RIMS2: variants seen among roughly 807,000 people sequenced by gnomAD.
RIMS2 encodes the protein regulating synaptic membrane exocytosis 2.
RIMS2 carries 59 observed loss-of-function variants against 174.4 expected under a neutral mutation model. The observed-to-expected ratio is 0.34, with a 90% CI of 0.27 to 0.42. The LOEUF is 0.42. Among genes scored for constraint, RIMS2 ranks in the 10% least tolerant of loss-of-function variants. The probability of loss-of-function intolerance (pLI) is 1.00; values close to 1 mark genes in which losing one functional copy is unlikely to be tolerated. For synonymous variants in RIMS2, 606 were observed against 572.5 expected, an observed-to-expected ratio of 1.06 and a Z score of -0.84; for missense variants, 1,620 against 1,666.3, an observed-to-expected ratio of 0.97 and a Z score of 0.48.
At chr8:104,192,729 T>C (rs996503217) in intron 19 of RIMS2, among the ~76,000 whole-genome samples, 2 of 152,204 alleles carry the variant, frequency 1.3e-5, no homozygotes, top group Non-Finnish European at 2.9e-5. Context: ...TGGTTTTCTT[T>C]CTTTTAGCAT....
intron 17 of RIMS2, among the ~76,000 whole-genome samples, chr8:104,002,377 A>G (rs1596832289): frequency 1.3e-5 from 2 of 152,052 alleles, no homozygotes; most frequent in Non-Finnish European, 2.9e-5. Context: ...TCTTTTACCT[A>G]TTTAACAAAG....
At chr8:104,012,233 A>C (rs967451319) in intron 17 of RIMS2, among the ~76,000 whole-genome samples, 25 of 152,008 alleles carry the variant, frequency 1.6e-4, no homozygotes, top group African/African-American at 5.8e-4. Flanking sequence ...TAAAATAATC[A>C]CAAGATATGG....
chr8:103,674,052 G>A (rs1052799131), intron 1 of RIMS2, among the ~76,000 whole-genome samples: 2 of 152,208 alleles, frequency 1.3e-5, no homozygotes, highest in Admixed American at 1.3e-4. Context: ...CCTAGGACAT[G>A]AGCAGAATGC....
At chr8:104,053,292 T>G (rs1473430372) in intron 19 of RIMS2, among the ~76,000 whole-genome samples, 1 of 152,188 alleles carries the variant, frequency 6.6e-6, no homozygotes, top group Non-Finnish European at 1.5e-5. Context: ...ACTTTATAAC[T>G]CAAGTATACA....
Position 103,669,499 on chromosome 8 carries a change from A to T in RIMS2, c.177-27587A>T, listed in dbSNP as rs372949462. ...TCCACAGTCCAAAATCTCATTTGAG[A>T]CAAGGCAAGTCCCTTCCACCTATGA... is the stretch of plus-strand genomic sequence containing the variant. On this transcript the variant is annotated intron_variant, in intron 1 of 23. Transcript: ENST00000504942. Among the ~76,000 whole-genome samples the T allele has an allele frequency of 2.0e-5, 3 of 152,214 alleles. No individual in the cohort carries two copies. The East Asian group carries it at 5.8e-4, about 29-fold the overall frequency.
intron 19 of RIMS2, among the ~76,000 whole-genome samples, chr8:104,242,280 A>G (rs145075013): frequency 3.1e-3 from 479 of 152,194 alleles, no homozygotes; most frequent in African/African-American, 0.011. Context: ...CAGAATATAT[A>G]ACATTTCAGG....
chr8:103,563,985 G>A (rs1328943795), intron 1 of RIMS2, among the ~76,000 whole-genome samples: 1 of 152,134 alleles, frequency 6.6e-6, no homozygotes, highest in Non-Finnish European at 1.5e-5. Flanking sequence ...ACCTTTCACT[G>A]GTCCCTCCCA....
At chr8:104,012,812 A>T (rs1354413561) in intron 17 of RIMS2, among the ~76,000 whole-genome samples, 1 of 152,182 alleles carries the variant, frequency 6.6e-6, no homozygotes, top group Non-Finnish European at 1.5e-5. Flanking sequence ...ATTTCAATTA[A>T]TACCCACTCT....
At chr8:103,593,014 G>T (rs183955533) in intron 1 of RIMS2, among the ~76,000 whole-genome samples, 1 of 151,274 alleles carries the variant, frequency 6.6e-6, no homozygotes. Context: ...ATTTTTATTT[G>T]AAAGAAGTGC....
At chr8:104,059,365 C>T (rs1566091884) in intron 19 of RIMS2, among the ~76,000 whole-genome samples, 3 of 150,734 alleles carry the variant, frequency 2.0e-5, no homozygotes, top group Non-Finnish European at 4.4e-5. Context: ...ATTTGGCTCT[C>T]TGTTTGTCTG....
intron 1 of RIMS2, among the ~76,000 whole-genome samples, chr8:103,663,527 T>G (rs2096629877): frequency 1.3e-5 from 2 of 152,154 alleles, no homozygotes; most frequent in South Asian, 4.1e-4. Context: ...GATCTCCCAT[T>G]AACAATTACT....
intron 10 of RIMS2, among the ~76,000 whole-genome samples, chr8:103,925,820 T>G (rs898798848): frequency 1.3e-5 from 2 of 151,558 alleles, no homozygotes; most frequent in African/African-American, 4.8e-5. Context: ...ATTTTGAAAC[T>G]GGAAGGAGGT....
chr8:104,194,582 G>C (rs2099014575), intron 19 of RIMS2, among the ~76,000 whole-genome samples: 1 of 152,112 alleles, frequency 6.6e-6, no homozygotes, highest in East Asian at 1.9e-4. Flanking sequence ...TCACTCATTA[G>C]CAAAAATCAT....
chr8:103,699,635 T>C (rs1329512009), intron 2 of RIMS2, among the ~76,000 whole-genome samples: 2 of 152,050 alleles, frequency 1.3e-5, no homozygotes, highest in Non-Finnish European at 1.5e-5. Flanking sequence ...TTACTTTGGG[T>C]TTAATTTTAT....
chr8:104,226,032 T>C (rs1413091582), intron 19 of RIMS2, among the ~76,000 whole-genome samples: 1 of 152,026 alleles, frequency 6.6e-6, no homozygotes, highest in Non-Finnish European at 1.5e-5. Context: ...CTCTACTTCC[T>C]TTTTTTTCTT....
intron 10 of RIMS2, among the ~76,000 whole-genome samples, chr8:103,924,779 C>T (rs1449954657): frequency 2.6e-5 from 4 of 151,588 alleles, no homozygotes; most frequent in Non-Finnish European, 4.4e-5. Context: ...AATGTAAATT[C>T]GTTGTTTACA....
chr8:104,218,680 T>A (rs1481083733), intron 19 of RIMS2, among the ~76,000 whole-genome samples: 1 of 151,972 alleles, frequency 6.6e-6, no homozygotes, highest in Non-Finnish European at 1.5e-5. Context: ...CTATAAGGAG[T>A]GCACAACCTA....
intron 19 of RIMS2, among the ~76,000 whole-genome samples, chr8:104,025,928 G>A (rs947200694): frequency 1.1e-4 from 17 of 152,134 alleles, no homozygotes; most frequent in Non-Finnish European, 2.1e-4. Context: ...TAGTCTAGGA[G>A]CAATAAGCTA....
chr8:104,009,823 A>G (rs985061897), intron 17 of RIMS2, among the ~76,000 whole-genome samples: 2 of 152,200 alleles, frequency 1.3e-5, no homozygotes, highest in Admixed American at 1.3e-4. Context: ...TATAAACATG[A>G]AATAAGTCTG....
Sources: gnomAD v4.1 joint callset for allele counts (sites outside exome capture counted in the v4.1 genomes callset) on GRCh38, gnomAD v4.1.1 for gene constraint, MANE v1.5 for transcripts, NCBI Gene and HGNC (gene_info 2026-07-23, HGNC 2026-07-21) for gene names.